Variants in ADAMTS17 observed in about 807,000 individuals in gnomAD.
The protein encoded by ADAMTS17 is ADAM metallopeptidase with thrombospondin type 1 motif 17, also known as A disintegrin and metalloproteinase with thrombospondin motifs 17.
Under a neutral mutation model 141.5 loss-of-function variants are expected in ADAMTS17, and 113 were observed. The ratio of observed to expected loss-of-function variants is 0.80; its 90% confidence interval spans 0.69 to 0.93. The LOEUF (loss-of-function observed/expected upper bound fraction) is 0.93, where lower values mean the gene tolerates loss of function less well. ADAMTS17 is among the 40% of genes least tolerant of loss of function. ADAMTS17 has a pLI of 0.00. For missense variants in ADAMTS17, 1,659 were observed against 1,517.9 expected (o/e 1.09, Z -1.54); for synonymous variants, 768 against 630.6 (o/e 1.22, Z -3.27).
intron 8 of ADAMTS17, among the ~76,000 whole-genome samples, chr15:100,194,176 C>A (rs1053416081): frequency 6.6e-6 from 1 of 152,228 alleles, no homozygotes; most frequent in Non-Finnish European, 1.5e-5. Flanking sequence ...CCTAGAAGGT[C>A]CTGTCTCTAG....
At chr15:100,004,230 C>T (rs1457594288) in intron 18 of ADAMTS17, among the ~76,000 whole-genome samples, 1 of 152,246 alleles carries the variant, frequency 6.6e-6, no homozygotes, top group East Asian at 1.9e-4. Flanking sequence ...TGTGTACAAG[C>T]ACTCCGCAGC....
chr15:100,184,497 C>T (rs778373966), intron 8 of ADAMTS17, among the ~76,000 whole-genome samples: 19 of 152,198 alleles, frequency 1.2e-4, no homozygotes, highest in East Asian at 1.9e-4. Context: ...GTTACCTTTA[C>T]GTTTTTCTGA....
intron 8 of ADAMTS17, among the ~76,000 whole-genome samples, chr15:100,190,930 G>A (rs1018360090): frequency 5.9e-5 from 9 of 152,152 alleles, no homozygotes; most frequent in East Asian, 1.9e-4. Flanking sequence ...CTTCTGGTCC[G>A]AGTCTCCACT....
chr15:99,986,345 A>G (rs1240226964), intron 20 of ADAMTS17, among the ~76,000 whole-genome samples: 2 of 152,268 alleles, frequency 1.3e-5, no homozygotes, highest in Non-Finnish European at 2.9e-5. Context: ...TCTGGGGAGC[A>G]CACAGACATA....
chr15:100,242,757 G>C (rs1363428275), intron 7 of ADAMTS17, among the ~76,000 whole-genome samples: 1 of 152,172 alleles, frequency 6.6e-6, no homozygotes, highest in Non-Finnish European at 1.5e-5. Context: ...TCAAAGAAGT[G>C]CTAGAAAATA....
chr15:100,039,233 C>G (rs2031031534), intron 18 of ADAMTS17, among the ~76,000 whole-genome samples: 1 of 152,126 alleles, frequency 6.6e-6, no homozygotes, highest in Admixed American at 6.6e-5. Context: ...ATTTTCTACC[C>G]TTTATTTCAT....
chr15:99,987,037 C>A (rs1238736815), intron 20 of ADAMTS17, among the ~76,000 whole-genome samples: 1 of 152,174 alleles, frequency 6.6e-6, no homozygotes, highest in Admixed American at 6.5e-5. Flanking sequence ...GAGAGAGGGG[C>A]TCCATCTTCC....
chr15:100,036,135 CAG>C (rs1394290042), intron 18 of ADAMTS17, among the ~76,000 whole-genome samples: 2 of 152,166 alleles, frequency 1.3e-5, no homozygotes, highest in Non-Finnish European at 2.9e-5. Context: ...GCTTCTTTGT[CAG>C]AGTCTTTGGG....
At chr15:100,334,098 T>C (rs1193265802) in intron 2 of ADAMTS17, among the ~76,000 whole-genome samples, 1 of 152,196 alleles carries the variant, frequency 6.6e-6, no homozygotes, top group Non-Finnish European at 1.5e-5. Flanking sequence ...GTACTTGCTT[T>C]GAAGGGTTCT....
intron 12 of ADAMTS17, among the ~76,000 whole-genome samples, chr15:100,118,799 G>A (rs548760585): frequency 3.9e-5 from 6 of 152,238 alleles, no homozygotes; most frequent in East Asian, 1.9e-4. Flanking sequence ...GAGTCCCCAC[G>A]AGCGGGCACC....
Position 100,316,457 on chromosome 15 carries a change from C to T in ADAMTS17, c.616+14432G>A, listed in dbSNP as rs887026496. Reference sequence around the variant, plus strand: ...TCTGTGCACACTCCAGTGTTCCCTTCGGAATCAAGCCCATTGCCTGCAGCA... The same window carrying T: ...TCTGTGCACACTCCAGTGTTCCCTTTGGAATCAAGCCCATTGCCTGCAGCA... On this transcript the variant is annotated intron_variant, in intron 3 of 21. Coordinates refer to ENST00000268070, the MANE Select transcript of ADAMTS17 (RefSeq NM_139057.4). 6.6e-5 allele frequency among the ~76,000 whole-genome samples: 10 copies of T among 152,322 alleles called. 1 individual carries two copies. The highest frequency in any genetic ancestry group is 3.3e-4 in the Admixed American group (5 of 15,306).
At chr15:100,064,293 AC>A (rs2033358305) in intron 15 of ADAMTS17, among the ~76,000 whole-genome samples, 2 of 152,204 alleles carry the variant, frequency 1.3e-5, no homozygotes, top group Non-Finnish European at 2.9e-5. Flanking sequence ...TGCAGAAGGA[AC>A]CAACCCTGCT....
intron 12 of ADAMTS17, among the ~76,000 whole-genome samples, chr15:100,121,043 A>C (rs751413403): frequency 6.6e-6 from 1 of 152,228 alleles, no homozygotes; most frequent in Non-Finnish European, 1.5e-5. Context: ...AACAAAGATA[A>C]ATTTTGGAAT....
In ADAMTS17 at chr15:100,194,822, GC is replaced by G. The variant is rs35145592; in HGVS notation, c.1181+4495del. 6.7e-3 allele frequency among the ~76,000 whole-genome samples: 1,025 copies of G among 152,214 alleles called. 10 individuals carry two copies. The highest frequency in any genetic ancestry group is 0.023 in the African/African-American group (969 of 41,518). Reference sequence around the variant, plus strand: ...GCTGGGCAGTTTCTCTCAAGGAACTGCCCCCCATTCCATGGTTCCTGTCTTA... The same window carrying G: ...GCTGGGCAGTTTCTCTCAAGGAACTGCCCCCATTCCATGGTTCCTGTCTTA... On this transcript the variant is annotated intron_variant, in intron 8 of 21. Transcript: ENST00000268070.
At chr15:100,180,953 C>G (rs1281482356) in intron 8 of ADAMTS17, among the ~76,000 whole-genome samples, 1 of 152,196 alleles carries the variant, frequency 6.6e-6, no homozygotes, top group Admixed American at 6.5e-5. Flanking sequence ...GTCCAAGAGC[C>G]AGGCACTGGA....
intron 12 of ADAMTS17, among the ~76,000 whole-genome samples, chr15:100,123,287 A>G (rs1448630881): frequency 6.6e-6 from 1 of 152,222 alleles, no homozygotes; most frequent in Non-Finnish European, 1.5e-5. Context: ...CAGTAAGGAG[A>G]AAAACAAAAC....
intron 5 of ADAMTS17, 63 bp downstream of exon 5, chr15:100,262,289 A>G (rs1003109911): frequency 3.5e-6 from 5 of 1,445,978 alleles, no homozygotes; most frequent in Non-Finnish European, 4.9e-6. Flanking sequence ...ATTCAACAGC[A>G]GTTGAGAAGC....
intron 3 of ADAMTS17, among the ~76,000 whole-genome samples, chr15:100,296,246 AACTGCTTTGTGACC>A (rs1291805629): frequency 1.3e-5 from 2 of 152,044 alleles, no homozygotes; most frequent in African/African-American, 4.8e-5. Flanking sequence ...GGTCCAAGAA[AACTGCTTTGTGACC>A]ACTTTTTTTT....
chr15:100,048,556 G>A (rs2031889841), intron 18 of ADAMTS17, among the ~76,000 whole-genome samples: 1 of 150,496 alleles, frequency 6.6e-6, no homozygotes, highest in African/African-American at 2.4e-5. Context: ...GTAATTTGGG[G>A]AAGCCAATGG....
Sources: allele counts gnomAD v4.1 joint callset (sites outside exome capture counted in the v4.1 genomes callset), GRCh38; gene constraint gnomAD v4.1.1; transcripts MANE v1.5; gene names NCBI Gene and HGNC (gene_info 2026-07-23, HGNC 2026-07-21).